The following PFKP variants were observed in gnomAD, a reference collection of about 807,000 sequenced individuals.
PFKP encodes ATP-dependent 6-phosphofructokinase, platelet type.
PFKP carries 101 observed loss-of-function variants against 94.3 expected under a neutral mutation model. The observed-to-expected ratio is 1.07, with a 90% CI of 0.91 to 1.26. PFKP has a LOEUF of 1.26. Among genes scored for constraint, PFKP ranks in the 50% most tolerant of loss-of-function variants. The pLI is 0.00. For synonymous variants in PFKP, 573 were observed against 432.6 expected, an observed-to-expected ratio of 1.32 and a Z score of -4.03; for missense variants, 1,145 against 1,103.3, an observed-to-expected ratio of 1.04 and a Z score of -0.53.
intron 10 of PFKP, among the ~76,000 whole-genome samples, chr10:3,109,913 G>A (rs1413754987): frequency 6.6e-6 from 1 of 151,746 alleles, no homozygotes; most frequent in Non-Finnish European, 1.5e-5. Flanking sequence ...AGGGAGGCAG[G>A]GAGGCGGGCG....
chr10:3,135,703 G>C (rs753935593), intron 20 of PFKP, 33 bp from the exon 21 acceptor site: 1 of 1,306,774 alleles, frequency 7.7e-7, no homozygotes, highest in Non-Finnish European at 1.1e-6. Context: ...ATGTTGACAG[G>C]GTGTTATTAA....
intron 13 of PFKP, among the ~76,000 whole-genome samples, chr10:3,115,951 C>T (rs892101893): frequency 2.6e-5 from 4 of 152,328 alleles, no homozygotes; most frequent in Middle Eastern, 3.4e-3. Flanking sequence ...CCACCCGCAT[C>T]TCAGCAGCAG....
At chr10:3,113,025 T>C (rs6602023) in intron 11 of PFKP, 94 bp from the exon 12 acceptor site, 987,694 of 1,107,332 alleles carry the variant, frequency 0.89, 441,555 homozygotes, top group East Asian at 0.99. Flanking sequence ...GCAGACACAT[T>C]GAGTGCTGGC....
chr10:3,106,624 C>T (rs1013343428), intron 7 of PFKP, among the ~76,000 whole-genome samples: 23 of 45,898 alleles, frequency 5.0e-4, no homozygotes, highest in Non-Finnish European at 9.0e-4. Flanking sequence ...TGCCACTGCC[C>T]CTTCACCCCT....
intron 5 of PFKP, 101 bp from the exon 6 acceptor site, chr10:3,105,014 C>T: frequency 8.6e-7 from 1 of 1,158,982 alleles, no homozygotes; most frequent in African/African-American, 1.5e-5. Flanking sequence ...GTCAAAGCCC[C>T]TTTTCTCTGC....
chr10:3,112,950 C>T lies in PFKP; in HGVS notation c.1155-169C>T, dbSNP rs569842164. The stretch of plus-strand genomic sequence containing the variant: ...ACCAGACACGGACAGCACCGCGGGT[C>T]GCGGCTAAGGGCTCTGCCATGCACA... On this transcript the variant is annotated intron_variant, in intron 11 of 21. Transcript: ENST00000381125. Among the ~76,000 whole-genome samples, 5 of 152,360 alleles carry T rather than the reference C, an allele frequency of 3.3e-5. No individual in the cohort carries two copies. In the South Asian group the frequency reaches 6.2e-4, roughly 19 times the overall value.
intron 1 of PFKP, among the ~76,000 whole-genome samples, chr10:3,079,657 C>CGGGGGGGGGG (rs1456588977): frequency 9.0e-4 from 7 of 7,780 alleles, no homozygotes; most frequent in Non-Finnish European, 1.5e-3. Context: ...CTTCAGAGAG[C>CGGGGGGGGGG]GGGGTGGGGG....
At chr10:3,119,743 C>G in intron 15 of PFKP, 149 bp from the exon 16 acceptor site, 1 of 632,764 alleles carries the variant, frequency 1.6e-6, no homozygotes, top group Non-Finnish European at 2.8e-6. Flanking sequence ...GGTCTTAAGG[C>G]AACTGTGTGT....
chr10:3,129,531 C>T, intron 16 of PFKP: 12 of 415,790 alleles, frequency 2.9e-5, no homozygotes, highest in South Asian at 6.3e-5. Flanking sequence ...CTTTTCCGTC[C>T]CCTTCTATGG....
chr10:3,112,025 C>A (rs575977351), intron 10 of PFKP, among the ~76,000 whole-genome samples, 197 bp from the exon 11 acceptor site: 72 of 152,296 alleles, frequency 4.7e-4, no homozygotes, highest in Admixed American at 1.0e-3. Context: ...ACAGCCGGGC[C>A]GTGTGGGGCT....
intron 1 of PFKP, 59 bp downstream of exon 1, chr10:3,067,766 G>A: frequency 2.2e-6 from 2 of 900,820 alleles, no homozygotes; most frequent in Non-Finnish European, 3.2e-6. Context: ...GGGGAGAACC[G>A]GGCGAAGGCG....
At chr10:3,132,973 T>C (rs1190130875) in intron 18 of PFKP, among the ~76,000 whole-genome samples, 3 of 152,190 alleles carry the variant, frequency 2.0e-5, no homozygotes, top group Admixed American at 1.3e-4. Context: ...AAAACTTACA[T>C]ATTTATTTCT....
chr10:3,106,587 CT>C (rs2131569633), intron 7 of PFKP, among the ~76,000 whole-genome samples: 2 of 125,806 alleles, frequency 1.6e-5, no homozygotes, highest in East Asian at 5.3e-4. Flanking sequence ...CGCCCTGCTC[CT>C]TCACCCCTGC....
At chr10:3,082,764 G>T (rs1833189168) in intron 2 of PFKP, among the ~76,000 whole-genome samples, 1 of 152,158 alleles carries the variant, frequency 6.6e-6, no homozygotes, top group African/African-American at 2.4e-5. Context: ...TGTTGTCCAG[G>T]CTGGAGTGCA....
Position 3,136,771 on chromosome 10 carries a change from AGAAT to A in PFKP, c.*193_*196del. 1.9e-6 allele frequency: 1 copy of A among 516,260 alleles called. No homozygotes were observed. The highest frequency in any genetic ancestry group is 3.4e-6 in the Non-Finnish European group (1 of 295,540). 32.0% of individuals were successfully genotyped at this position (516,260 alleles called of 1,614,324 possible). A position where few individuals can be genotyped will look rare whatever the true frequency, so the allele number is the denominator to read the frequency against. The stretch of plus-strand genomic sequence containing the variant: ...CATGCTTTCAGATGTGCATATGAGC[AGAAT>A]TAATTAAACATTTGCCTATGACTCC... On this transcript the variant is annotated 3_prime_UTR_variant, in exon 22 of 22. Coordinates refer to ENST00000381125, the MANE Select transcript of PFKP (RefSeq NM_002627.5).
rs989388613 is a variant in PFKP, at chr10:3,079,666, G to T, written c.113-2722G>T. Among the ~76,000 whole-genome samples, 9 of 122,102 alleles carry T rather than the reference G, an allele frequency of 7.4e-5. 1 individual carries two copies. The highest frequency in any genetic ancestry group is 5.5e-5 in the African/African-American group (2 of 36,548). The allele number at this position is 122,102 out of a possible 152,430, so 80.1% of individuals were successfully genotyped here. ...CGAGGTCTTCAGAGAGCGGGGTGGGGGGGGGGGGAAGAGGAGCAGGGGTGA... is the reference window on the plus strand; with the variant it reads ...CGAGGTCTTCAGAGAGCGGGGTGGGTGGGGGGGGAAGAGGAGCAGGGGTGA... On this transcript the variant is annotated intron_variant, in intron 1 of 21. Transcript: ENST00000381125.
At chr10:3,125,434 C>G (rs1299845179) in intron 16 of PFKP, among the ~76,000 whole-genome samples, 1 of 152,160 alleles carries the variant, frequency 6.6e-6, no homozygotes, top group Non-Finnish European at 1.5e-5. Context: ...GAGAGCCTGT[C>G]TTTATTGATT....
intron 13 of PFKP, among the ~76,000 whole-genome samples, 170 bp from the exon 14 acceptor site, chr10:3,116,606 C>G (rs758845882): frequency 6.6e-6 from 1 of 152,214 alleles, no homozygotes; most frequent in Non-Finnish European, 1.5e-5. Flanking sequence ...CCTTGGACTT[C>G]TGCTTCTCAC....
Position 3,101,454 on chromosome 10 carries a change from C to T in PFKP, c.354C>T (p.Gly118=), listed in dbSNP as rs771812006. ...CTGCTTGCAACCTGCTGCAGCGCGG[C>T]ATCACCAACCTGTGTGTGATCGGCG... ...LKAACNLLQR[G]ITNLCVIGGD... The change falls in exon 4 of 22, where the codon GGC becomes GGT. Residue 118 remains glycine (G), a synonymous_variant. Coordinates refer to ENST00000381125, the MANE Select transcript of PFKP (RefSeq NM_002627.5). 40 of 1,609,844 alleles carry T rather than the reference C, an allele frequency of 2.5e-5. 1 individual carries two copies. In the South Asian group the frequency reaches 3.0e-4, roughly 12 times the overall value.
Sources: allele counts gnomAD v4.1 joint callset (sites outside exome capture counted in the v4.1 genomes callset), GRCh38; gene constraint gnomAD v4.1.1; transcripts MANE v1.5; gene names NCBI Gene and HGNC (gene_info 2026-07-23, HGNC 2026-07-21).